The following FGFR2 variants were observed in gnomAD, a reference collection of about 807,000 sequenced individuals.
The protein encoded by FGFR2 is fibroblast growth factor receptor 2, also known as BEK fibroblast growth factor receptor.
Under a neutral mutation model 95.9 loss-of-function variants are expected in FGFR2, and 19 were observed. The observed-to-expected ratio is 0.20, with a 90% CI of 0.14 to 0.29. The LOEUF is 0.29. Ranked by LOEUF, FGFR2 falls within the 10% of genes least tolerant of loss-of-function variation. The pLI, the probability that FGFR2 is intolerant of heterozygous loss-of-function variation, is 1.00. For missense variants in FGFR2, 707 were observed against 1,056.9 expected (o/e 0.67, Z 4.59); for synonymous variants, 392 against 393.3 (o/e 1.00, Z 0.04).
rs181663041 is a variant in FGFR2 at position 121,496,995 on chromosome 10, G to A, written c.1673-273C>T. Among the ~76,000 whole-genome samples the A allele has an allele frequency of 4.2e-3, 641 of 151,588 alleles. 2 individuals carry two copies. The highest frequency in any genetic ancestry group is 0.015 in the African/African-American group (624 of 41,340). ...AAAATACAAAAATTAGCTGGGCATG[G>A]TGACACACACCTATAGTCCCAGCTA... On this transcript the variant is annotated intron_variant, in intron 12 of 17. Transcript: ENST00000358487.
At position 121,577,178 on chromosome 10, in the gene FGFR2, T is replaced by TATAGAGAG; in HGVS notation, c.110-11475_110-11474insCTCTCTAT. 6.7e-3 allele frequency among the ~76,000 whole-genome samples: 35 copies of TATAGAGAG among 5,214 alleles called. 1 individual carries two copies. Among genetic ancestry groups the TATAGAGAG allele is most frequent in the Admixed American group, 9.6e-3 (2 of 208 alleles). The allele number at this position is 5,214 out of a possible 152,430, so 3.4% of individuals were successfully genotyped here. A position where few individuals can be genotyped will look rare whatever the true frequency, so the allele number is the denominator to read the frequency against. Reference sequence around the variant, plus strand: ...AAAAAAATATATATATATATATATATAGAGAGAGAGAGAGAGAGAGAGAGA... The same window carrying TATAGAGAG: ...AAAAAAATATATATATATATATATATATAGAGAGAGAGAGAGAGAGAGAGAGAGAGAGA... On this transcript the variant is annotated intron_variant, in intron 2 of 17. Transcript: ENST00000358487.
At chr10:121,568,585 A>G (rs1858057789) in intron 2 of FGFR2, among the ~76,000 whole-genome samples, 1 of 151,932 alleles carries the variant, frequency 6.6e-6, no homozygotes, top group South Asian at 2.1e-4. Flanking sequence ...CCATGTCCCT[A>G]TGTCACGCAG....
intron 17 of FGFR2, chr10:121,482,294 G>T: frequency 1.2e-6 from 1 of 827,876 alleles, no homozygotes. Flanking sequence ...CCCTTGAACC[G>T]TTCCTTTCCT....
intron 6 of FGFR2, among the ~76,000 whole-genome samples, chr10:121,530,713 C>T (rs1240869304): frequency 6.6e-6 from 1 of 152,340 alleles, no homozygotes; most frequent in Middle Eastern, 3.4e-3. Context: ...ACTCTAATTT[C>T]TTGCTTCAGA....
intron 2 of FGFR2, among the ~76,000 whole-genome samples, chr10:121,591,830 T>C (rs1862704749): frequency 6.6e-6 from 1 of 152,212 alleles, no homozygotes; most frequent in South Asian, 2.1e-4. Flanking sequence ...GATCCCAGGT[T>C]GAGCAGGCCT....
intron 2 of FGFR2, among the ~76,000 whole-genome samples, chr10:121,591,031 TCTTC>T (rs1424345763): frequency 3.3e-5 from 5 of 150,420 alleles, no homozygotes; most frequent in African/African-American, 9.8e-5. Flanking sequence ...TCTCTCTCTC[TCTTC>T]CAATTCACCA....
At chr10:121,562,075 C>T (rs1857063321) in intron 4 of FGFR2, among the ~76,000 whole-genome samples, 1 of 152,182 alleles carries the variant, frequency 6.6e-6, no homozygotes, top group African/African-American at 2.4e-5. Flanking sequence ...TCATTCATTG[C>T]TGGTGGGAAT....
intron 13 of FGFR2, 117 bp downstream of exon 13, chr10:121,496,415 G>T: frequency 9.9e-7 from 1 of 1,007,592 alleles, no homozygotes; most frequent in Non-Finnish European, 1.6e-6. Flanking sequence ...TATTTTCCAG[G>T]TTGTACAAGA....
intron 13 of FGFR2, among the ~76,000 whole-genome samples, chr10:121,491,531 T>C (rs1836210234): frequency 2.0e-5 from 3 of 152,210 alleles, no homozygotes; most frequent in South Asian, 4.1e-4. Flanking sequence ...ATGACATGGA[T>C]AGTGTTATAC....
At chr10:121,596,740 TC>T in intron 1 of FGFR2, 1 of 193,394 alleles carries the variant, frequency 5.2e-6, no homozygotes, top group East Asian at 8.1e-5. Flanking sequence ...TTGGGGGTGC[TC>T]CCCACCACCA....
In FGFR2 at chr10:121,500,966, G is replaced by C. The variant is rs752507319; in HGVS notation, c.1440-19C>G. On this transcript the variant is annotated intron_variant, in intron 10 of 17. Coordinates refer to ENST00000358487, the MANE Select transcript of FGFR2 (RefSeq NM_000141.5). ...TGTCAGCCTAAATGTGTAAATAGGG[G>C]ATTAGCACATAGCATCTGGTGATGG... 2 of 1,613,378 alleles carry C rather than the reference G, an allele frequency of 1.2e-6. No homozygotes were observed. The highest frequency in any genetic ancestry group is 1.1e-5 in the South Asian group (1 of 91,086).
chr10:121,500,061 T>C (rs1847392849), intron 11 of FGFR2, among the ~76,000 whole-genome samples: 1 of 152,122 alleles, frequency 6.6e-6, no homozygotes, highest in Non-Finnish European at 1.5e-5. Context: ...ACACTCGGCA[T>C]GGGATCTTCT....
rs1844304540 is a variant in FGFR2 at position 121,478,632 on chromosome 10, A to C, written c.*1225T>G. On this transcript the variant is annotated 3_prime_UTR_variant, in exon 18 of 18. Transcript: ENST00000358487. ...CAGAATTAGATGAAAGCAATCCCTT[A>C]AAAAGATGGACGTATCCCCAAAACT... The C allele has an allele frequency of 4.3e-6, 1 of 233,182 alleles. No individual in the cohort carries two copies. The highest frequency in any genetic ancestry group is 6.0e-5 in the East Asian group (1 of 16,584). The allele number at this position is 233,182 out of a possible 1,614,324, so 14.4% of individuals were successfully genotyped here.
chr10:121,515,968 A>G (rs1242499317), intron 8 of FGFR2, among the ~76,000 whole-genome samples: 1 of 151,900 alleles, frequency 6.6e-6, no homozygotes, highest in Non-Finnish European at 1.5e-5. Context: ...AAAGATTATA[A>G]TATTCTTTAA....
rs1850014167 is a variant in FGFR2, at chr10:121,518,562, T to C, written c.940-1099A>G. The C allele has an allele frequency of 8.9e-7, 1 of 1,119,484 alleles. No individual in the cohort carries two copies. The highest frequency in any genetic ancestry group is 2.2e-5 in the Admixed American group (1 of 44,532). 69.3% of individuals were successfully genotyped at this position (1,119,484 alleles called of 1,614,324 possible). A position where few individuals can be genotyped will look rare whatever the true frequency, so the allele number is the denominator to read the frequency against. On this transcript the variant is annotated intron_variant, in intron 7 of 17. Coordinates refer to ENST00000358487, the MANE Select transcript of FGFR2 (RefSeq NM_000141.5). The surrounding 1 kb of genome is among the most constrained non-coding windows in gnomAD (Gnocchi z 4.0). ...ATCACCGAAGAAAGATTATTATAAA[T>C]ATACCAAGGCCACAAGAGTTATCCT...
At chr10:121,529,366 T>C (rs558877836) in intron 6 of FGFR2, among the ~76,000 whole-genome samples, 1 of 152,302 alleles carries the variant, frequency 6.6e-6, no homozygotes, top group East Asian at 1.9e-4. Flanking sequence ...TGCCTCAGCC[T>C]CTCAAAGTAC....
intron 2 of FGFR2, among the ~76,000 whole-genome samples, chr10:121,578,378 G>A (rs1860270471): frequency 6.6e-6 from 1 of 152,178 alleles, no homozygotes; most frequent in Non-Finnish European, 1.5e-5. Context: ...ATTCAGCCCA[G>A]TTCCAACAGC....
chr10:121,542,819 T>C (rs968532690), intron 5 of FGFR2, among the ~76,000 whole-genome samples: 2 of 152,146 alleles, frequency 1.3e-5, no homozygotes, highest in East Asian at 1.9e-4. Flanking sequence ...AAAATGCCTA[T>C]TAAATCCCAG....
rs145746586 is a variant in FGFR2, at chr10:121,565,614, G to A, written c.200C>T (p.Ala67Val). 5 of 1,614,238 alleles carry A rather than the reference G, an allele frequency of 3.1e-6. No individual in the cohort carries two copies. In the South Asian group the frequency reaches 3.3e-5, roughly 11 times the overall value. ...SLEVRCLLKD[A>V]AVISWTKDGV... ...ATCCTTAGTCCAACTGATCACGGCG[G>A]CATCTTTCAACAGGCAGCGCACCTC... The change falls in exon 3 of 18, where the codon GCC becomes GTC. Residue 67 changes from alanine to valine, a missense_variant. By Grantham distance (64) the Ala-to-Val change is moderately conservative (BLOSUM62 0). Transcript: ENST00000358487.
Sources: allele counts gnomAD v4.1 joint callset (sites outside exome capture counted in the v4.1 genomes callset), GRCh38; gene constraint gnomAD v4.1.1; non-coding constraint Gnocchi (gnomAD v3.1); transcripts MANE v1.5; gene names NCBI Gene and HGNC (gene_info 2026-07-23, HGNC 2026-07-21).